Variants in CACNA1B observed in about 807,000 individuals in gnomAD.
The protein encoded by CACNA1B is voltage-dependent N-type calcium channel subunit alpha-1B.
CACNA1B carries 70 observed loss-of-function variants against 247.2 expected under a neutral mutation model. The observed-to-expected ratio is 0.28, with a 90% CI of 0.23 to 0.35. CACNA1B has a LOEUF of 0.35. Ranked by LOEUF, CACNA1B falls within the 10% of genes least tolerant of loss-of-function variation. The pLI is 1.00. For missense variants in CACNA1B, 2,367 were observed against 3,197.4 expected, an observed-to-expected ratio of 0.74 and a Z score of 6.26; for synonymous variants, 1,231 against 1,294.4, an observed-to-expected ratio of 0.95 and a Z score of 1.05.
In CACNA1B at chr9:138,023,263, G is replaced by C. The variant is rs1332685393; in HGVS notation, c.2520G>C (p.Glu840Asp). 1 of 1,514,502 alleles carries C rather than the reference G, an allele frequency of 6.6e-7. No homozygotes were observed. The highest frequency in any genetic ancestry group is 8.8e-7 in the Non-Finnish European group (1 of 1,139,646). The allele number at this position is 1,514,502 out of a possible 1,614,324, so 93.8% of individuals were successfully genotyped here. A position where few individuals can be genotyped will look rare whatever the true frequency, so the allele number is the denominator to read the frequency against. Residue 840 changes from glutamate (E) to aspartate (D), a missense_variant, in exon 19 of 47, where the codon GAG becomes GAC. Glu to Asp is a conservative substitution (Grantham distance 45). This residue lies in a region of CACNA1B where 631 missense variants were observed against 631.1 expected (regional missense o/e 1.00). Transcript: ENST00000371372. The stretch of plus-strand genomic sequence containing the variant: ...GCAAAGCCCGACCTGAGGCTGCGGA[G>C]GCCCCCGAGGGCGTCGACCCTCCGC... ...VGGKARPEAA[E>D]APEGVDPPRR...
intron 6 of CACNA1B, among the ~76,000 whole-genome samples, chr9:137,948,822 G>C: frequency 7.0e-6 from 1 of 142,120 alleles, no homozygotes; most frequent in African/African-American, 2.6e-5. Context: ...ATGTGTGTGT[G>C]GTGTGTGCAC....
At chr9:137,887,263 G>A (rs576371915) in intron 3 of CACNA1B, among the ~76,000 whole-genome samples, 2 of 145,668 alleles carry the variant, frequency 1.4e-5, no homozygotes, top group Admixed American at 6.8e-5. Flanking sequence ...AGGGCTTGCT[G>A]GGAATGGGAG....
At chr9:137,894,643 C>G (rs562021155) in intron 3 of CACNA1B, among the ~76,000 whole-genome samples, 1 of 152,086 alleles carries the variant, frequency 6.6e-6, no homozygotes, top group South Asian at 2.1e-4. Context: ...CTCCTGACCT[C>G]GTGATCCGCC....
chr9:138,032,274 A>G (rs561463612), intron 20 of CACNA1B, among the ~76,000 whole-genome samples: 32 of 152,248 alleles, frequency 2.1e-4, no homozygotes, highest in Non-Finnish European at 3.8e-4. Flanking sequence ...CATGTGAAAT[A>G]TAGAAGCTTT....
In CACNA1B at chr9:137,954,721, G is replaced by A. The variant is rs1957923566; in HGVS notation, c.1071-977G>A. On this transcript the variant is annotated intron_variant, in intron 7 of 46. Transcript: ENST00000371372. The surrounding 1 kb of genome is among the most constrained non-coding windows in gnomAD (Gnocchi z 4.1). ...GGCCTGGTCACCTTGCACTGCCTGG[G>A]CTGTAGCAGCTCAGTGCCTAGCGGA... 6.6e-6 allele frequency among the ~76,000 whole-genome samples: 1 copy of A among 152,120 alleles called. No individual in the cohort carries two copies. Among genetic ancestry groups the A allele is most frequent in the South Asian group, 2.1e-4 (1 of 4,824 alleles).
At chr9:137,958,830 A>T (rs1374456436) in intron 10 of CACNA1B, among the ~76,000 whole-genome samples, 1 of 152,034 alleles carries the variant, frequency 6.6e-6, no homozygotes, top group African/African-American at 2.4e-5. Context: ...GGCCAATTTG[A>T]TGAGTGTAGA....
At chr9:137,993,948 A>G (rs60347231) in intron 15 of CACNA1B, among the ~76,000 whole-genome samples, 8,920 of 152,256 alleles carry the variant, frequency 0.059, 369 homozygotes, top group African/African-American at 0.12. Flanking sequence ...GAAATCCTCA[A>G]CAAAATACTA....
intron 20 of CACNA1B, 128 bp downstream of exon 20, chr9:138,025,300 G>C: frequency 1.5e-6 from 1 of 648,468 alleles, no homozygotes; most frequent in Non-Finnish European, 2.8e-6. Flanking sequence ...CCTGGCTGGA[G>C]AGAGAGTCCT....
intron 10 of CACNA1B, among the ~76,000 whole-genome samples, chr9:137,967,999 T>C (rs1958101272): frequency 6.6e-6 from 1 of 152,232 alleles, no homozygotes; most frequent in African/African-American, 2.4e-5. Flanking sequence ...CTTTTTTTCA[T>C]CTGCTGAGTG....
chr9:138,078,796 A>G (rs545446749), intron 36 of CACNA1B, among the ~76,000 whole-genome samples: 174 of 152,294 alleles, frequency 1.1e-3, no homozygotes, highest in African/African-American at 3.8e-3. Flanking sequence ...AAGGAGAGGC[A>G]AGGGAGTGAG....
At chr9:137,988,510 C>T (rs1340772881) in intron 15 of CACNA1B, among the ~76,000 whole-genome samples, 1 of 152,136 alleles carries the variant, frequency 6.6e-6, no homozygotes, top group Non-Finnish European at 1.5e-5. Context: ...GTGGGCTTTT[C>T]TGATCAGATG....
At chr9:138,024,844 G>A in intron 19 of CACNA1B, 111 bp from the exon 20 acceptor site, 1 of 727,926 alleles carries the variant, frequency 1.4e-6, no homozygotes, top group Non-Finnish European at 2.4e-6. Flanking sequence ...ATATTCCCCA[G>A]GCTGGTCTTG....
intron 6 of CACNA1B, among the ~76,000 whole-genome samples, chr9:137,918,611 T>C (rs1365905227): frequency 6.6e-6 from 1 of 152,058 alleles, no homozygotes; most frequent in Non-Finnish European, 1.5e-5. Context: ...TGTGCCTCTC[T>C]CCCCAGCCTC....
intron 32 of CACNA1B, 48 bp downstream of exon 32, chr9:138,069,811 G>A (rs201041769): frequency 1.7e-4 from 270 of 1,570,128 alleles, no homozygotes; most frequent in Non-Finnish European, 1.1e-4. Flanking sequence ...TGCTTTGCTC[G>A]CTCTGCTCCT....
Position 137,891,995 on chromosome 9 carries a change from G to T in CACNA1B, c.530+9112G>T, listed in dbSNP as rs1219484095. The T allele has an allele frequency of 4.4e-6, 2 of 455,518 alleles. No individual in the cohort carries two copies. The highest frequency in any genetic ancestry group is 6.9e-5 in the East Asian group (1 of 14,394). The allele number at this position is 455,518 out of a possible 1,614,324, so 28.2% of individuals were successfully genotyped here. On this transcript the variant is annotated intron_variant, in intron 3 of 46. Coordinates refer to ENST00000371372, the MANE Select transcript of CACNA1B (RefSeq NM_000718.4). This position sits in a 1 kb window ranked among gnomAD's most constrained non-coding sequence, Gnocchi z 4.3. Reference sequence around the variant, plus strand: ...AGAGCACAGGAGCCTGGTGAAAAGGGCCTTGCGCCTTGGTCCTCCTCACTC... The same window carrying T: ...AGAGCACAGGAGCCTGGTGAAAAGGTCCTTGCGCCTTGGTCCTCCTCACTC...
At chr9:138,068,514 C>T in intron 31 of CACNA1B, 1 of 487,372 alleles carries the variant, frequency 2.1e-6, no homozygotes, top group South Asian at 1.5e-5. Context: ...GCTGCCTCCT[C>T]CCTGTGCGTC....
intron 9 of CACNA1B, 85 bp downstream of exon 9, chr9:137,956,912 A>G: frequency 8.8e-7 from 1 of 1,132,476 alleles, no homozygotes; most frequent in African/African-American, 1.5e-5. Flanking sequence ...TGCATGTTTC[A>G]CGCGAAGTGC....
intron 3 of CACNA1B, among the ~76,000 whole-genome samples, chr9:137,884,957 T>TTCCC (rs1554919631): frequency 3.3e-5 from 2 of 60,470 alleles, no homozygotes; most frequent in African/African-American, 7.2e-5. Flanking sequence ...TCTCCCCTCT[T>TTCCC]CCCCCCCCCC....
chr9:137,912,467 T>C (rs917430641), intron 3 of CACNA1B, among the ~76,000 whole-genome samples: 3 of 152,180 alleles, frequency 2.0e-5, no homozygotes, highest in Non-Finnish European at 4.4e-5. Flanking sequence ...TGGAGAAAGC[T>C]AATGAGAGAG....
Sources: allele counts gnomAD v4.1 joint callset (sites outside exome capture counted in the v4.1 genomes callset), GRCh38; gene constraint gnomAD v4.1.1; regional missense constraint gnomAD v4.1.1; non-coding constraint Gnocchi (gnomAD v3.1); transcripts MANE v1.5; gene names NCBI Gene and HGNC (gene_info 2026-07-23, HGNC 2026-07-21).